Variants in BAZ1A observed in about 807,000 individuals in gnomAD.
The protein encoded by BAZ1A is bromodomain adjacent to zinc finger domain 1A.
BAZ1A carries 50 observed loss-of-function variants against 185.2 expected under a neutral mutation model. The observed-to-expected ratio is 0.27, with a 90% CI of 0.22 to 0.34. The LOEUF is 0.34. Among genes scored for constraint, BAZ1A ranks in the 10% least tolerant of loss-of-function variants. The pLI is 1.00. For synonymous variants in BAZ1A, 571 were observed against 615.6 expected, an observed-to-expected ratio of 0.93 and a Z score of 1.07; for missense variants, 1,356 against 1,839.9, an observed-to-expected ratio of 0.74 and a Z score of 4.81.
chr14:34,847,698 G>A (rs1225014349), intron 3 of BAZ1A, among the ~76,000 whole-genome samples: 2 of 152,070 alleles, frequency 1.3e-5, no homozygotes, highest in Admixed American at 6.6e-5. Context: ...ATATTTAGCA[G>A]CTCTCTTTTG....
intron 18 of BAZ1A, among the ~76,000 whole-genome samples, 160 bp from the exon 19 acceptor site, chr14:34,774,650 T>C (rs529225361): frequency 4.6e-5 from 7 of 152,298 alleles, no homozygotes; most frequent in Admixed American, 3.9e-4. Flanking sequence ...ATTTATCTTA[T>C]AAAGCCCTTG....
intron 11 of BAZ1A, among the ~76,000 whole-genome samples, chr14:34,793,659 A>G (rs575071667): frequency 1.3e-3 from 197 of 151,610 alleles, no homozygotes; most frequent in Non-Finnish European, 2.5e-3. Flanking sequence ...ATACAAAAAA[A>G]TTGGGCCAGG....
intron 2 of BAZ1A, among the ~76,000 whole-genome samples, chr14:34,873,810 A>G (rs1468469496): frequency 2.0e-5 from 3 of 152,072 alleles, no homozygotes; most frequent in Non-Finnish European, 4.4e-5. Context: ...GGTGACAGAG[A>G]GCGCGGCTCG....
chr14:34,870,176 G>GA (rs746936576), intron 2 of BAZ1A, among the ~76,000 whole-genome samples: 8 of 152,148 alleles, frequency 5.3e-5, no homozygotes, highest in East Asian at 3.8e-4. Context: ...ATTGTCTGAA[G>GA]AAAAAATGTA....
intron 4 of BAZ1A, among the ~76,000 whole-genome samples, chr14:34,824,179 G>A (rs2042127990): frequency 7.0e-6 from 1 of 142,920 alleles, no homozygotes; most frequent in Admixed American, 7.2e-5. Context: ...GGGCTATATA[G>A]CAAGACTGTG....
intron 3 of BAZ1A, among the ~76,000 whole-genome samples, chr14:34,834,847 C>T (rs2042303572): frequency 6.6e-6 from 1 of 152,088 alleles, no homozygotes; most frequent in Non-Finnish European, 1.5e-5. Context: ...AATTAAGACC[C>T]AGCTAGAGGA....
intron 4 of BAZ1A, among the ~76,000 whole-genome samples, chr14:34,819,974 CAT>C (rs1179127709): frequency 7.0e-6 from 1 of 143,548 alleles, no homozygotes; most frequent in Non-Finnish European, 1.5e-5. Flanking sequence ...CTAATAAGTA[CAT>C]AGTCATATCT....
intron 19 of BAZ1A, among the ~76,000 whole-genome samples, chr14:34,774,011 C>A (rs1305520866): frequency 6.6e-6 from 1 of 152,072 alleles, no homozygotes; most frequent in African/African-American, 2.4e-5. Flanking sequence ...AAGGCATGAA[C>A]AGAATACATT....
intron 17 of BAZ1A, among the ~76,000 whole-genome samples, chr14:34,776,962 G>A (rs147870186): frequency 4.6e-5 from 7 of 152,210 alleles, no homozygotes; most frequent in African/African-American, 1.4e-4. Context: ...TTTCGTTATG[G>A]CAGCCCAAGC....
intron 3 of BAZ1A, among the ~76,000 whole-genome samples, chr14:34,832,215 C>CACACACATATATATATATATATATAT: frequency 2.0e-3 from 176 of 89,616 alleles, no homozygotes; most frequent in African/African-American, 6.0e-3. Flanking sequence ...CACACACACA[C>CACACACATATATATATATATATATAT]ATATATATAT....
chr14:34,850,275 G>A (rs1400049736), intron 3 of BAZ1A, among the ~76,000 whole-genome samples: 2 of 152,122 alleles, frequency 1.3e-5, no homozygotes, highest in Non-Finnish European at 2.9e-5. Context: ...CTACTTCGGA[G>A]GCTGAGGTGG....
intron 2 of BAZ1A, among the ~76,000 whole-genome samples, chr14:34,870,184 G>T (rs1312734030): frequency 6.6e-6 from 1 of 152,176 alleles, no homozygotes. Context: ...AAGAAAAAAT[G>T]TATTTAAAAC....
intron 25 of BAZ1A, among the ~76,000 whole-genome samples, chr14:34,757,722 C>T (rs1886320808): frequency 6.7e-6 from 1 of 149,612 alleles, no homozygotes; most frequent in African/African-American, 2.4e-5. Flanking sequence ...AGGGACTGAG[C>T]TGTCTAACTC....
rs1880199502 is a variant in BAZ1A at position 34,783,609 on chromosome 14, G to T, written c.1997+153C>A. 2.0e-5 allele frequency among the ~76,000 whole-genome samples: 3 copies of T among 152,070 alleles called. No individual in the cohort carries two copies. The South Asian group carries it at 6.2e-4, about 32-fold the overall frequency. On this transcript the variant is annotated intron_variant, in intron 15 of 26. Coordinates refer to ENST00000360310, the MANE Select transcript of BAZ1A (RefSeq NM_013448.3). ...CCCAAAGTGCTGGGATTGCAGGCGT[G>T]AGCCACCACACCTGGCCTCATTCAC...
chr14:34,773,222 A>G (rs1323380957), intron 20 of BAZ1A, among the ~76,000 whole-genome samples: 2 of 152,172 alleles, frequency 1.3e-5, no homozygotes, highest in Non-Finnish European at 2.9e-5. Flanking sequence ...AATAACATTC[A>G]AGTCTACCAG....
At chr14:34,754,475 T>G (rs190066258) in intron 26 of BAZ1A, among the ~76,000 whole-genome samples, 101 of 151,236 alleles carry the variant, frequency 6.7e-4, no homozygotes, top group African/African-American at 2.4e-3. Context: ...TGAAACAAGG[T>G]AGCAGAACTG....
rs530894594 is a variant in BAZ1A, at chr14:34,801,334, C to A, written c.862-141G>T. The A allele has an allele frequency of 1.9e-5, 12 of 623,458 alleles. No individual in the cohort carries two copies. The African/African-American group carries it at 2.3e-4, about 12-fold the overall frequency. 38.6% of individuals were successfully genotyped at this position (623,458 alleles called of 1,614,324 possible). On this transcript the variant is annotated intron_variant, in intron 7 of 26. Transcript: ENST00000360310. ...TGAGACAAAGTCTCGCTCTATCCCC[C>A]AGGCTGGAGTGCAGTGGTGTGATCT...
chr14:34,786,330 C>T, intron 12 of BAZ1A, 109 bp from the exon 13 acceptor site: 2 of 963,118 alleles, frequency 2.1e-6, no homozygotes, highest in Non-Finnish European at 1.5e-6. Context: ...ACATTCGGAA[C>T]CTCAAAAGAA....
At chr14:34,810,349 C>G (rs1041497366) in intron 5 of BAZ1A, among the ~76,000 whole-genome samples, 1 of 152,120 alleles carries the variant, frequency 6.6e-6, no homozygotes, top group Admixed American at 6.6e-5. Context: ...AAAGCAACTT[C>G]TTACATTAAC....
Sources: allele counts gnomAD v4.1 joint callset (sites outside exome capture counted in the v4.1 genomes callset), GRCh38; gene constraint gnomAD v4.1.1; transcripts MANE v1.5; gene names NCBI Gene and HGNC (gene_info 2026-07-23, HGNC 2026-07-21).